ENOX1: variants seen among roughly 807,000 people sequenced by gnomAD.
ENOX1 encodes the protein ecto-NOX disulfide-thiol exchanger 1, also known as candidate growth-related and time keeping constitutive hydroquinone (NADH) oxidase.
A neutral mutation model predicts 82.5 loss-of-function variants in ENOX1; 42 were observed. The observed-to-expected ratio is 0.51, with a 90% CI of 0.40 to 0.66. ENOX1 has a LOEUF of 0.66. Ranked by LOEUF, ENOX1 falls within the 30% of genes least tolerant of loss-of-function variation. ENOX1 has a pLI of 0.00. For synonymous variants in ENOX1, 271 were observed against 282.2 expected (o/e 0.96, Z 0.40); for missense variants, 608 against 811.6 (o/e 0.75, Z 3.05).
At chr13:43,240,148 T>C (rs907839936) in intron 14 of ENOX1, among the ~76,000 whole-genome samples, 5 of 152,176 alleles carry the variant, frequency 3.3e-5, no homozygotes, top group Non-Finnish European at 7.3e-5. Flanking sequence ...CCCAAACCAA[T>C]TCCCTGTTGC....
At chr13:43,539,455 A>G (rs543084811) in intron 2 of ENOX1, among the ~76,000 whole-genome samples, 4 of 152,296 alleles carry the variant, frequency 2.6e-5, no homozygotes, top group African/African-American at 4.8e-5. Context: ...TATGTTTCCT[A>G]ATTTTTAAAC....
rs372755428 is a variant in ENOX1, at chr13:43,445,285, G to A, written c.-74-32297C>T. Among the ~76,000 whole-genome samples the A allele has an allele frequency of 2.6e-4, 39 of 151,950 alleles. 1 individual carries two copies. In the East Asian group the frequency reaches 6.6e-3, roughly 26 times the overall value. ...ACTACAGGCACCCACCACCACGCCT[G>A]GCTAATTTTTTGTATTTTTAGTAGA... On this transcript the variant is annotated intron_variant, in intron 3 of 16. Transcript: ENST00000690772.
At chr13:43,507,788 C>T (rs2077225085) in intron 2 of ENOX1, among the ~76,000 whole-genome samples, 1 of 151,792 alleles carries the variant, frequency 6.6e-6, no homozygotes, top group Non-Finnish European at 1.5e-5. Context: ...TATTCTATTT[C>T]CTGAGGTGAA....
At chr13:43,270,251 G>A (rs757226452) in intron 12 of ENOX1, among the ~76,000 whole-genome samples, 6 of 152,158 alleles carry the variant, frequency 3.9e-5, no homozygotes, top group Non-Finnish European at 8.8e-5. Context: ...GCACAGCGCT[G>A]CGCAGTGCGA....
intron 15 of ENOX1, among the ~76,000 whole-genome samples, chr13:43,235,276 G>A (rs2042479603): frequency 6.6e-6 from 1 of 152,186 alleles, no homozygotes; most frequent in Non-Finnish European, 1.5e-5. Flanking sequence ...GTTTTCCTGG[G>A]AGTATCTCTA....
intron 2 of ENOX1, among the ~76,000 whole-genome samples, chr13:43,654,384 T>C (rs1172523078): frequency 6.6e-6 from 1 of 152,208 alleles, no homozygotes; most frequent in Non-Finnish European, 1.5e-5. Context: ...AGCACCGCAT[T>C]TGCATTAGCC....
chr13:43,468,345 C>T (rs9645939), intron 3 of ENOX1, among the ~76,000 whole-genome samples: 3 of 151,954 alleles, frequency 2.0e-5, no homozygotes, highest in African/African-American at 7.3e-5. Flanking sequence ...CCACACCCAG[C>T]TAATTTTTTA....
chr13:43,599,828 C>T (rs34044578), intron 2 of ENOX1, among the ~76,000 whole-genome samples: 18,563 of 151,128 alleles, frequency 0.12, 1,447 homozygotes, highest in East Asian at 0.26. Context: ...AAGTTCAGGA[C>T]TTGCAACTTG....
chr13:43,262,708 C>T (rs139385736), intron 14 of ENOX1, among the ~76,000 whole-genome samples: 7 of 152,086 alleles, frequency 4.6e-5, no homozygotes, highest in Admixed American at 4.6e-4. Flanking sequence ...AACTCCTAGG[C>T]TCAAGAGATC....
At chr13:43,706,100 AAAT>A (rs1257967565) in intron 1 of ENOX1, among the ~76,000 whole-genome samples, 1 of 152,004 alleles carries the variant, frequency 6.6e-6, no homozygotes, top group Non-Finnish European at 1.5e-5. Flanking sequence ...ATTTAGAACT[AAAT>A]AATAATAACA....
intron 2 of ENOX1, among the ~76,000 whole-genome samples, chr13:43,625,567 A>T (rs1324219948): frequency 6.6e-6 from 1 of 151,954 alleles, no homozygotes; most frequent in Non-Finnish European, 1.5e-5. Flanking sequence ...TGTTGAATTT[A>T]ATCAAATGAT....
chr13:43,269,708 G>C, intron 12 of ENOX1, 131 bp from the exon 13 acceptor site: 1 of 695,516 alleles, frequency 1.4e-6, no homozygotes, highest in East Asian at 2.6e-5. Context: ...GACCTCAGTT[G>C]ACCTTGTGTG....
intron 1 of ENOX1, among the ~76,000 whole-genome samples, chr13:43,736,563 T>C (rs1324842170): frequency 6.6e-6 from 1 of 152,168 alleles, no homozygotes; most frequent in African/African-American, 2.4e-5. Flanking sequence ...GTGCTAACGG[T>C]TGTGGACAAA....
chr13:43,622,147 C>T (rs1003813224), intron 2 of ENOX1, among the ~76,000 whole-genome samples: 1 of 152,130 alleles, frequency 6.6e-6, no homozygotes, highest in Non-Finnish European at 1.5e-5. Flanking sequence ...CCCTTCACTT[C>T]TTCTATCATG....
At chr13:43,547,489 T>C (rs1458583798) in intron 2 of ENOX1, 3 of 152,220 alleles carry the variant, frequency 2.0e-5, no homozygotes, top group African/African-American at 4.8e-5. Flanking sequence ...ATAAAAGTTA[T>C]CTTTGATAGA....
chr13:43,277,627 C>G (rs1014125092), intron 12 of ENOX1, among the ~76,000 whole-genome samples: 2 of 152,164 alleles, frequency 1.3e-5, no homozygotes, highest in Non-Finnish European at 2.9e-5. Context: ...ACACTGTGTG[C>G]GTACATCTGA....
chr13:43,744,013 C>T (rs1949891044), intron 1 of ENOX1, among the ~76,000 whole-genome samples: 1 of 152,132 alleles, frequency 6.6e-6, no homozygotes, highest in South Asian at 2.1e-4. Context: ...GGGCAAAGCC[C>T]TCATGATCTA....
chr13:43,580,040 C>A (rs1256956815), intron 2 of ENOX1, among the ~76,000 whole-genome samples: 6 of 152,016 alleles, frequency 3.9e-5, no homozygotes, highest in African/African-American at 1.4e-4. Context: ...GTAATCATGC[C>A]TTTTTAAAAA....
chr13:43,579,907 T>C (rs1289662254), intron 2 of ENOX1, among the ~76,000 whole-genome samples: 1 of 152,162 alleles, frequency 6.6e-6, no homozygotes, highest in Non-Finnish European at 1.5e-5. Flanking sequence ...TTTCCCAAAG[T>C]GGTCCTACAG....
Sources: gnomAD v4.1 joint callset for allele counts (sites outside exome capture counted in the v4.1 genomes callset) on GRCh38, gnomAD v4.1.1 for gene constraint, MANE v1.5 for transcripts, NCBI Gene and HGNC (gene_info 2026-07-23, HGNC 2026-07-21) for gene names.